Variants in PLCE1 observed in about 807,000 individuals in gnomAD.
PLCE1 encodes the protein phospholipase C epsilon 1.
In PLCE1, 119 loss-of-function variants were observed where a neutral mutation model predicts 242.8. The ratio of observed to expected loss-of-function variants is 0.49; its 90% CI spans 0.42 to 0.57. PLCE1 has a LOEUF of 0.57. PLCE1 is among the 20% of genes least tolerant of loss of function. The probability of loss-of-function intolerance (pLI) is 0.00; values close to 1 mark genes in which losing one functional copy is unlikely to be tolerated. For synonymous variants in PLCE1, 945 were observed against 1,017.4 expected, an observed-to-expected ratio of 0.93 and a Z score of 1.35; for missense variants, 2,441 against 2,788.8, an observed-to-expected ratio of 0.88 and a Z score of 2.81.
chr10:94,304,189 G>GT (rs1390643255), intron 24 of PLCE1, among the ~76,000 whole-genome samples: 10 of 152,280 alleles, frequency 6.6e-5, no homozygotes, highest in Admixed American at 5.9e-4. Context: ...TTGCAAAGGA[G>GT]TTTTTAAGTG....
chr10:94,103,511 T>C (rs2045615700), intron 2 of PLCE1, among the ~76,000 whole-genome samples: 1 of 152,206 alleles, frequency 6.6e-6, no homozygotes, highest in African/African-American at 2.4e-5. Flanking sequence ...TTCTCTTCTT[T>C]TAGATTAACA....
intron 3 of PLCE1, among the ~76,000 whole-genome samples, chr10:94,161,918 T>C (rs542828890): frequency 3.3e-5 from 5 of 152,344 alleles, no homozygotes; most frequent in South Asian, 2.1e-4. Context: ...GATAATCATG[T>C]GGTTTTTGTC....
chr10:94,093,790 G>A (rs1464067579), intron 2 of PLCE1, among the ~76,000 whole-genome samples: 2 of 152,144 alleles, frequency 1.3e-5, no homozygotes, highest in South Asian at 2.1e-4. Context: ...TCGCAGAGTA[G>A]AATAGTGATG....
rs898686372 is a variant in PLCE1, at chr10:94,321,296, A to G, written c.6343-605A>G. On this transcript the variant is annotated intron_variant, in intron 29 of 32. Coordinates refer to ENST00000371380, the MANE Select transcript of PLCE1 (RefSeq NM_016341.4). Reference sequence around the variant, plus strand: ...CTTTTGCTAATTGGCAAAATGGTATATTGTCTTTCTACAAATTTACCTACA... The same window carrying G: ...CTTTTGCTAATTGGCAAAATGGTATGTTGTCTTTCTACAAATTTACCTACA... Among the ~76,000 whole-genome samples, 4 of 152,210 alleles carry G rather than the reference A, an allele frequency of 2.6e-5. No individual in the cohort carries two copies. In the East Asian group the frequency reaches 7.7e-4, roughly 29 times the overall value.
At chr10:94,249,767 G>A (rs545843316) in intron 8 of PLCE1, among the ~76,000 whole-genome samples, 1 of 152,242 alleles carries the variant, frequency 6.6e-6, no homozygotes, top group South Asian at 2.1e-4. Context: ...TGTGGGGTGT[G>A]GAGGAAAGAC....
intron 3 of PLCE1, among the ~76,000 whole-genome samples, chr10:94,139,683 C>T (rs1226071433): frequency 1.3e-5 from 2 of 151,920 alleles, no homozygotes; most frequent in Admixed American, 1.3e-4. Context: ...TGAGCTCTTC[C>T]AGGAGCTGCC....
intron 3 of PLCE1, among the ~76,000 whole-genome samples, chr10:94,164,644 T>TC (rs1435397446): frequency 6.6e-6 from 1 of 152,238 alleles, no homozygotes; most frequent in Non-Finnish European, 1.5e-5. Flanking sequence ...CTCGTCAAAG[T>TC]CATTCTCCAT....
chr10:94,182,729 T>C (rs1162516263), intron 4 of PLCE1, among the ~76,000 whole-genome samples: 1 of 152,234 alleles, frequency 6.6e-6, no homozygotes, highest in Non-Finnish European at 1.5e-5. Context: ...TAATAGGCTA[T>C]CTTAATTCTT....
chr10:94,201,075 T>A (rs539113535), intron 4 of PLCE1, among the ~76,000 whole-genome samples: 1 of 152,260 alleles, frequency 6.6e-6, no homozygotes, highest in Admixed American at 6.5e-5. Context: ...CCAATAAAGT[T>A]AATTTAGTTC....
rs948069650 is a variant in PLCE1 at position 94,266,078 on chromosome 10, T to C, written c.4281+120T>C. The C allele has an allele frequency of 4.5e-6, 4 of 886,892 alleles. No individual in the cohort carries two copies. In the African/African-American group the frequency reaches 6.7e-5, roughly 15 times the overall value. The allele number at this position is 886,892 out of a possible 1,614,324, so 54.9% of individuals were successfully genotyped here. ...AGAGCTTATAGAGTAAGCTATTACA[T>C]GTCAAATGTGAGGAACCATGATGTG... On this transcript the variant is annotated intron_variant, in intron 16 of 32. Transcript: ENST00000371380.
Position 94,327,991 on chromosome 10 carries a change from TAA to T in PLCE1, c.*50_*51del, listed in dbSNP as rs763496536. The T allele has an allele frequency of 7.5e-6, 4 of 532,432 alleles. No individual in the cohort carries two copies. The highest frequency in any genetic ancestry group is 2.8e-5 in the South Asian group (2 of 71,330). The allele number at this position is 532,432 out of a possible 1,614,324, so 33.0% of individuals were successfully genotyped here. On this transcript the variant is annotated 3_prime_UTR_variant, in exon 33 of 33. Coordinates refer to ENST00000371380, the MANE Select transcript of PLCE1 (RefSeq NM_016341.4). ...AGGTGAAGATCTTTAAGCAAGAAGT[TAA>T]AGAGTGAACATGGTGGAAAAAATAT...
chr10:94,098,299 C>T (rs1295472158), intron 2 of PLCE1, among the ~76,000 whole-genome samples: 1 of 152,148 alleles, frequency 6.6e-6, no homozygotes, highest in Non-Finnish European at 1.5e-5. Context: ...CCTCTTTACC[C>T]ATCACCTAGC....
At chr10:94,286,960 C>T (rs2052472288) in intron 22 of PLCE1, 1 of 152,224 alleles carries the variant, frequency 6.6e-6, no homozygotes, top group Non-Finnish European at 1.5e-5. Flanking sequence ...GGATGCCACA[C>T]TCGGACCATT....
chr10:94,043,559 G>A (rs1158113342), intron 2 of PLCE1, among the ~76,000 whole-genome samples: 1 of 152,164 alleles, frequency 6.6e-6, no homozygotes, highest in African/African-American at 2.4e-5. Flanking sequence ...GTGGGAGTTT[G>A]GCAGTTGGAA....
At chr10:94,197,186 C>T (rs1249636764) in intron 4 of PLCE1, among the ~76,000 whole-genome samples, 1 of 152,084 alleles carries the variant, frequency 6.6e-6, no homozygotes. Flanking sequence ...TCTTTTATGG[C>T]TGAATAATAT....
chr10:94,112,850 A>G (rs913207769), intron 2 of PLCE1, among the ~76,000 whole-genome samples: 2 of 152,186 alleles, frequency 1.3e-5, no homozygotes, highest in African/African-American at 4.8e-5. Context: ...TGGACCAATA[A>G]GGTCTAAAGA....
At chr10:94,244,467 T>C (rs2050611194) in intron 7 of PLCE1, among the ~76,000 whole-genome samples, 2 of 152,338 alleles carry the variant, frequency 1.3e-5, no homozygotes, top group South Asian at 4.1e-4. Context: ...AAGGTGGCCA[T>C]GTAAGAAAGA....
At position 94,092,097 on chromosome 10, in the gene PLCE1, A is replaced by G. The variant is rs2045098126; in HGVS notation, c.1207-40077A>G. Among the ~76,000 whole-genome samples the G allele has an allele frequency of 2.0e-5, 3 of 152,234 alleles. No individual in the cohort carries two copies. The South Asian group carries it at 6.2e-4, about 32-fold the overall frequency. On this transcript the variant is annotated intron_variant, in intron 2 of 32. Coordinates refer to ENST00000371380, the MANE Select transcript of PLCE1 (RefSeq NM_016341.4). ...GATGCAAGGAACGGAAAACCAAGAT[A>G]ATGTATACCTGACGAGAATTTTAAA...
At chr10:94,163,008 G>A (rs975885926) in intron 3 of PLCE1, among the ~76,000 whole-genome samples, 78 of 152,138 alleles carry the variant, frequency 5.1e-4, no homozygotes, top group African/African-American at 1.7e-3. Flanking sequence ...TGATTGCACC[G>A]TGGTCTGAGA....
Sources: gnomAD v4.1 joint callset for allele counts (sites outside exome capture counted in the v4.1 genomes callset) on GRCh38, gnomAD v4.1.1 for gene constraint, MANE v1.5 for transcripts, NCBI Gene and HGNC (gene_info 2026-07-23, HGNC 2026-07-21) for gene names.